The following NOS1 variants were observed in gnomAD, a reference collection of about 807,000 sequenced individuals.
NOS1 encodes nitric oxide synthase 1, also known as NOS type I.
Under a neutral mutation model 164.5 loss-of-function variants are expected in NOS1, and 51 were observed. The ratio of observed to expected loss-of-function variants is 0.31; its 90% confidence interval spans 0.25 to 0.39. The LOEUF is 0.39. Ranked by LOEUF, NOS1 falls within the 10% of genes least tolerant of loss-of-function variation. The pLI is 1.00. For synonymous variants in NOS1, 719 were observed against 745.8 expected (o/e 0.96, Z 0.59); for missense variants, 1,362 against 1,885.6 (o/e 0.72, Z 5.14).
At chr12:117,301,235 C>T (rs1402563928) in intron 3 of NOS1, among the ~76,000 whole-genome samples, 2 of 152,176 alleles carry the variant, frequency 1.3e-5, no homozygotes, top group African/African-American at 2.4e-5. Flanking sequence ...TCAAGCGATC[C>T]TCCTGCCTCA....
At chr12:117,351,366 G>A (rs1007832313) in intron 1 of NOS1, among the ~76,000 whole-genome samples, 9 of 152,138 alleles carry the variant, frequency 5.9e-5, no homozygotes, top group Admixed American at 2.0e-4. Flanking sequence ...TAACACTGTC[G>A]CTTCCCCCTG....
rs1174171413 is a variant in NOS1 at position 117,213,329 on chromosome 12, GT to G, written c.*1979del. 1.0e-6 allele frequency: 1 copy of G among 985,424 alleles called. No homozygotes were observed. The highest frequency in any genetic ancestry group is 1.2e-6 in the Non-Finnish European group (1 of 830,008). The allele number at this position is 985,424 out of a possible 1,614,324, so 61.0% of individuals were successfully genotyped here. On this transcript the variant is annotated 3_prime_UTR_variant, in exon 29 of 29. Transcript: ENST00000317775. ...CTGGAAATGGGTTTGCAGGAAAGGA[GT>G]TTAGAATGGGCTTCCCTTCAGGATT... is the stretch of plus-strand genomic sequence containing the variant.
chr12:117,321,498 C>CAGGAAG (rs1874919269), intron 2 of NOS1, among the ~76,000 whole-genome samples: 1 of 152,134 alleles, frequency 6.6e-6, no homozygotes, highest in South Asian at 2.1e-4. Flanking sequence ...TCCCATGGCT[C>CAGGAAG]TTCCTCAGAA....
chr12:117,317,516 A>G (rs1455149591), intron 2 of NOS1, among the ~76,000 whole-genome samples: 1 of 150,638 alleles, frequency 6.6e-6, no homozygotes, highest in Non-Finnish European at 1.5e-5. Context: ...AGATATTGCA[A>G]AGTGCCCCCT....
At chr12:117,290,199 C>A in intron 4 of NOS1, 99 bp downstream of exon 4, 1 of 1,458,098 alleles carries the variant, frequency 6.9e-7, no homozygotes, top group Non-Finnish European at 9.4e-7. Flanking sequence ...CAACACCCTA[C>A]AACAGAGGAC....
intron 22 of NOS1, 53 bp downstream of exon 22, chr12:117,231,909 T>C (rs1336462068): frequency 7.8e-6 from 12 of 1,540,042 alleles, no homozygotes; most frequent in African/African-American, 5.5e-5. Context: ...AACTCTTTAA[T>C]GACGAGGAGG....
At chr12:117,318,675 G>A (rs919300474) in intron 2 of NOS1, among the ~76,000 whole-genome samples, 34 of 152,194 alleles carry the variant, frequency 2.2e-4, no homozygotes, top group Admixed American at 2.0e-3. Flanking sequence ...CGATTGGCCC[G>A]TTGCTGACCA....
chr12:117,221,445 A>G (rs1461875345), intron 26 of NOS1, among the ~76,000 whole-genome samples: 1 of 151,424 alleles, frequency 6.6e-6, no homozygotes, highest in East Asian at 1.9e-4. Flanking sequence ...CACCGCGCCC[A>G]GCTAATTTTT....
intron 27 of NOS1, among the ~76,000 whole-genome samples, chr12:117,219,599 G>C (rs1269880495): frequency 2.6e-5 from 4 of 152,170 alleles, no homozygotes; most frequent in East Asian, 1.9e-4. Flanking sequence ...GAGCCACCGA[G>C]CCCAGCCGGG....
chr12:117,225,188 A>G, intron 24 of NOS1, 51 bp from the exon 25 acceptor site: 1 of 1,570,480 alleles, frequency 6.4e-7, no homozygotes, highest in Non-Finnish European at 8.6e-7. Context: ...AATCCAATCA[A>G]GAACAATTGA....
intron 2 of NOS1, among the ~76,000 whole-genome samples, chr12:117,319,707 C>T (rs567581): frequency 0.37 from 56,249 of 152,086 alleles, 10,750 homozygotes; most frequent in Middle Eastern, 0.45. Flanking sequence ...CCAAATAAAA[C>T]TCATGGGAAA....
chr12:117,286,883 A>G (rs1161453683), intron 5 of NOS1, among the ~76,000 whole-genome samples: 1 of 152,106 alleles, frequency 6.6e-6, no homozygotes, highest in East Asian at 1.9e-4. Flanking sequence ...CTATCCTTCA[A>G]TCATGTACAA....
Position 117,220,263 on chromosome 12 carries a change from C to T in NOS1, c.3982G>A (p.Val1328Met). 6.2e-7 allele frequency: 1 copy of T among 1,606,246 alleles called. No individual in the cohort carries two copies. Among genetic ancestry groups the T allele is most frequent in the Non-Finnish European group, 8.5e-7 (1 of 1,178,346 alleles). Residue 1328 changes from valine to methionine, a missense_variant, in exon 27 of 29, where the codon GTG becomes ATG. Physicochemically the swap from Val to Met is conservative, Grantham distance 21. Around this residue, in one of 4 missense-constraint regions of NOS1, gnomAD observed 737 missense variants for 1,030.3 expected, o/e 0.72. Coordinates refer to ENST00000317775, the MANE Select transcript of NOS1 (RefSeq NM_000620.5). ...SREPDKPKKY[V>M]QDILQEQLAE... Reference sequence around the variant, plus strand: ...AGCTGCTCCTGCAGGATGTCCTGCACGTACTTCTGCAAGGAGCAGAGAGCA... The same window carrying T: ...AGCTGCTCCTGCAGGATGTCCTGCATGTACTTCTGCAAGGAGCAGAGAGCA...
Position 117,243,416 on chromosome 12 carries a change from C to G in NOS1, c.2843G>C (p.Cys948Ser). 1.2e-6 allele frequency: 2 copies of G among 1,614,122 alleles called. No individual in the cohort carries two copies. The highest frequency in any genetic ancestry group is 1.7e-6 in the Non-Finnish European group (2 of 1,180,012). ...TTCAATGTTGACATCATCTCCCACA[C>G]AGAAGACATCACAGGCTGCCTGTGG... ...KVFKAACDVF[C>S]VGDDVNIEKA... The change falls in exon 19 of 29, where the codon TGT becomes TCT. Residue 948 changes from cysteine to serine, a missense_variant. This residue lies in a region of NOS1 where 737 missense variants were observed against 1,030.3 expected (regional missense o/e 0.72). Coordinates refer to ENST00000317775, the MANE Select transcript of NOS1 (RefSeq NM_000620.5). The surrounding 1 kb of genome is among the most constrained non-coding windows in gnomAD (Gnocchi z 4.3).
At chr12:117,232,455 G>C (rs1188277654) in intron 21 of NOS1, among the ~76,000 whole-genome samples, 3 of 152,046 alleles carry the variant, frequency 2.0e-5, no homozygotes. Flanking sequence ...AGCCTATTTC[G>C]GCCCCATGTG....
intron 1 of NOS1, among the ~76,000 whole-genome samples, chr12:117,353,013 T>TATCC (rs774473884): frequency 6.6e-6 from 1 of 152,060 alleles, no homozygotes; most frequent in African/African-American, 2.4e-5. Context: ...GTCATCTATC[T>TATCC]ATCCATCCAT....
chr12:117,350,884 C>T (rs1334806906), intron 1 of NOS1, among the ~76,000 whole-genome samples: 7 of 152,118 alleles, frequency 4.6e-5, no homozygotes, highest in African/African-American at 1.4e-4. Flanking sequence ...GAGGCCGAGG[C>T]GGGCGGATCA....
At chr12:117,256,244 A>C (rs1158594357) in intron 16 of NOS1, among the ~76,000 whole-genome samples, 1 of 150,792 alleles carries the variant, frequency 6.6e-6, no homozygotes, top group Non-Finnish European at 1.5e-5. Context: ...TGAATACGGC[A>C]GCATGTTCTC....
intron 3 of NOS1, among the ~76,000 whole-genome samples, chr12:117,302,748 A>T (rs528967202): frequency 6.6e-6 from 1 of 152,020 alleles, no homozygotes; most frequent in South Asian, 2.1e-4. Context: ...ACTTTTTAAA[A>T]TTTTTTTATT....
Sources: allele counts gnomAD v4.1 joint callset (sites outside exome capture counted in the v4.1 genomes callset), GRCh38; gene constraint gnomAD v4.1.1; regional missense constraint gnomAD v4.1.1; non-coding constraint Gnocchi (gnomAD v3.1); transcripts MANE v1.5; gene names NCBI Gene and HGNC (gene_info 2026-07-23, HGNC 2026-07-21).